The following DZANK1 variants were observed in gnomAD, a reference collection of about 807,000 sequenced individuals.
DZANK1 encodes double zinc ribbon and ankyrin repeat domains 1.
In DZANK1, 91 loss-of-function variants were observed where a neutral mutation model predicts 94.5. That is an observed-to-expected ratio of 0.96 (90% confidence interval 0.81 to 1.15). The LOEUF is 1.15. DZANK1 is among the 50% of genes most tolerant of loss of function. The pLI, the probability that DZANK1 is intolerant of heterozygous loss-of-function variation, is 0.00. For synonymous variants in DZANK1, 312 were observed against 325.3 expected (o/e 0.96, Z 0.44); for missense variants, 903 against 916.4 (o/e 0.99, Z 0.19).
rs1458870480 is a variant in DZANK1, at chr20:18,398,320, C to T, written c.1536+203G>A. 7.2e-6 allele frequency: 4 copies of T among 555,318 alleles called. No individual in the cohort carries two copies. In the Admixed American group the frequency reaches 9.0e-5, roughly 13 times the overall value. 34.4% of individuals were successfully genotyped at this position (555,318 alleles called of 1,614,324 possible). ...ATTTTATTGTCTTAGGTCAGGTGCC[C>T]CAGAAGCAGACTCTGAGACAATATT... On this transcript the variant is annotated intron_variant, in intron 14 of 20. Coordinates refer to ENST00000262547, the Ensembl canonical transcript of DZANK1.
chr20:18,462,937 T>TAAA (rs61694583), intron 2 of DZANK1, among the ~76,000 whole-genome samples: 4 of 111,246 alleles, frequency 3.6e-5, no homozygotes, highest in Non-Finnish European at 5.4e-5. Context: ...GACTCGGTCT[T>TAAA]AAAAAAAAAA....
intron 13 of DZANK1, 61 bp from the exon 14 acceptor site, chr20:18,398,687 G>T: frequency 6.8e-7 from 1 of 1,474,032 alleles, no homozygotes; most frequent in Non-Finnish European, 9.5e-7. Flanking sequence ...AAAGAAAAAT[G>T]ATAGCATGGA....
At chr20:18,456,192 G>A (rs190112879) in intron 3 of DZANK1, among the ~76,000 whole-genome samples, 1 of 152,262 alleles carries the variant, frequency 6.6e-6, no homozygotes. Context: ...CATTTTCCCT[G>A]TCTCAGCTGT....
intron 16 of DZANK1, 48 bp from the exon 17 acceptor site, chr20:18,393,859 C>T: frequency 8.3e-7 from 1 of 1,208,014 alleles, no homozygotes; most frequent in Non-Finnish European, 1.2e-6. Context: ...CCCCCAACTC[C>T]CCACACAAAC....
At chr20:18,443,045 A>G (rs2058760326) in intron 8 of DZANK1, among the ~76,000 whole-genome samples, 1 of 152,186 alleles carries the variant, frequency 6.6e-6, no homozygotes, top group East Asian at 1.9e-4. Flanking sequence ...TCCTTATTAT[A>G]CCCAGGATAT....
chr20:18,405,035 A>T (rs553235716), intron 13 of DZANK1, among the ~76,000 whole-genome samples: 32 of 151,688 alleles, frequency 2.1e-4, no homozygotes, highest in South Asian at 1.9e-3. Flanking sequence ...CTCTACAAAA[A>T]TTTTTTTTTA....
At chr20:18,433,950 T>C (rs2058397060) in intron 8 of DZANK1, 185 bp from the exon 9 acceptor site, 2 of 555,848 alleles carry the variant, frequency 3.6e-6, no homozygotes, top group Non-Finnish European at 6.3e-6. Context: ...TGATTTGTTT[T>C]TGTAAAACAA....
At chr20:18,416,896 T>C (rs2057515903) in intron 10 of DZANK1, among the ~76,000 whole-genome samples, 1 of 152,190 alleles carries the variant, frequency 6.6e-6, no homozygotes, top group Non-Finnish European at 1.5e-5. Context: ...GTTGCTGACC[T>C]TGGTTTCTAA....
chr20:18,431,669 T>G (rs1343996512), intron 9 of DZANK1, among the ~76,000 whole-genome samples: 1 of 152,208 alleles, frequency 6.6e-6, no homozygotes, highest in Non-Finnish European at 1.5e-5. Context: ...TCAGAGGTTA[T>G]GATGATAAAA....
intron 7 of DZANK1, among the ~76,000 whole-genome samples, chr20:18,443,673 G>T (rs564317720): frequency 6.6e-6 from 1 of 152,264 alleles, no homozygotes; most frequent in East Asian, 1.9e-4. Flanking sequence ...GGACCCTCTG[G>T]TGCCCTTTCT....
intron 15 of DZANK1, 100 bp from the exon 16 acceptor site, chr20:18,394,450 A>G (rs1350816918): frequency 8.9e-7 from 1 of 1,128,318 alleles, no homozygotes; most frequent in Non-Finnish European, 1.3e-6. Context: ...TATTAAGTAC[A>G]GCTCTACCTA....
At chr20:18,432,045 G>A (rs898163838) in intron 9 of DZANK1, among the ~76,000 whole-genome samples, 2 of 152,162 alleles carry the variant, frequency 1.3e-5, no homozygotes, top group African/African-American at 2.4e-5. Flanking sequence ...GCTTATCACT[G>A]TAGAAGTCCT....
intron 10 of DZANK1, chr20:18,420,898 C>T (rs2057746941): frequency 6.5e-6 from 1 of 154,226 alleles, no homozygotes; most frequent in South Asian, 2.0e-4. Flanking sequence ...ATAAACCAGA[C>T]TCTCCAACTG....
At chr20:18,459,659 GA>G (rs376415667) in intron 3 of DZANK1, among the ~76,000 whole-genome samples, 1 of 151,242 alleles carries the variant, frequency 6.6e-6, no homozygotes, top group South Asian at 2.1e-4. Context: ...AAGTCATTAA[GA>G]AAAAAAAGGA....
rs566822083 is a variant in DZANK1 at position 18,387,496 on chromosome 20, G to C, written c.2018+2205C>G. Reference sequence around the variant, plus strand: ...ATGTCCACAGCTGAACCTCTAAGAAGTAGACTGATGCTTGCATCTTCCTCA... The same window carrying C: ...ATGTCCACAGCTGAACCTCTAAGAACTAGACTGATGCTTGCATCTTCCTCA... On this transcript the variant is annotated intron_variant, in intron 19 of 20. Coordinates refer to ENST00000262547, the Ensembl canonical transcript of DZANK1. Among the ~76,000 whole-genome samples the C allele has an allele frequency of 1.2e-4, 19 of 152,326 alleles. No individual in the cohort carries two copies. In the South Asian group the frequency reaches 2.3e-3, roughly 18 times the overall value.
chr20:18,441,043 A>G lies in DZANK1; in HGVS notation c.747+2304T>C, dbSNP rs73123127. 0.037 allele frequency among the ~76,000 whole-genome samples: 5,577 copies of G among 152,292 alleles called. 125 individuals carry two copies. Among genetic ancestry groups the G allele is most frequent in the Non-Finnish European group, 0.059 (3,991 of 68,000 alleles). ...CTCTGGTTCCTGCACCATGACTTAA[A>G]GGTCCTGAGCTTGTCGTTTTCTTTC... is the stretch of plus-strand genomic sequence containing the variant. On this transcript the variant is annotated intron_variant, in intron 8 of 20. Coordinates refer to ENST00000262547, the Ensembl canonical transcript of DZANK1. This position sits in a 1 kb window ranked among gnomAD's most constrained non-coding sequence, Gnocchi z 4.1.
At chr20:18,430,550 C>A (rs1032132441) in intron 9 of DZANK1, among the ~76,000 whole-genome samples, 4 of 152,182 alleles carry the variant, frequency 2.6e-5, no homozygotes, top group African/African-American at 9.7e-5. Context: ...TGCGGTGGCC[C>A]ACGCCTGTAA....
At chr20:18,421,658 C>T (rs971468435) in intron 10 of DZANK1, among the ~76,000 whole-genome samples, 1 of 152,194 alleles carries the variant, frequency 6.6e-6, no homozygotes, top group Non-Finnish European at 1.5e-5. Flanking sequence ...ACATCCTGCA[C>T]TTATTCCAAG....
rs1174502424 is a variant in DZANK1, at chr20:18,441,077, C to A, written c.747+2270G>T. ...GCTTGTCGTTTTCTTTCTGTGAATG[C>A]TCCCATGGACTCAGGAGAATACATC... On this transcript the variant is annotated intron_variant, in intron 8 of 20. Transcript: ENST00000262547. This position sits in a 1 kb window ranked among gnomAD's most constrained non-coding sequence, Gnocchi z 4.1. Among the ~76,000 whole-genome samples the A allele has an allele frequency of 6.6e-6, 1 of 152,182 alleles. No homozygotes were observed. The highest frequency in any genetic ancestry group is 1.9e-4 in the East Asian group (1 of 5,200).
Sources: gnomAD v4.1 joint callset for allele counts (sites outside exome capture counted in the v4.1 genomes callset) on GRCh38, gnomAD v4.1.1 for gene constraint, Gnocchi (gnomAD v3.1) non-coding constraint, MANE v1.5 for transcripts, NCBI Gene and HGNC (gene_info 2026-07-23, HGNC 2026-07-21) for gene names.